Variants in ARHGAP28 observed in about 807,000 individuals in gnomAD.
ARHGAP28 encodes the protein Rho GTPase activating protein 28.
In ARHGAP28, 56 loss-of-function variants were observed where a neutral mutation model predicts 90.7. The ratio of observed to expected loss-of-function variants is 0.62; its 90% CI spans 0.50 to 0.77. The LOEUF (loss-of-function observed/expected upper bound fraction) is 0.77. ARHGAP28 is among the 30% of genes least tolerant of loss of function. The probability of loss-of-function intolerance (pLI) is 0.00; values close to 1 mark genes in which losing one functional copy is unlikely to be tolerated. For synonymous variants in ARHGAP28, 308 were observed against 323.3 expected, an observed-to-expected ratio of 0.95 and a Z score of 0.51; for missense variants, 869 against 900.9, an observed-to-expected ratio of 0.96 and a Z score of 0.45.
intron 1 of ARHGAP28, among the ~76,000 whole-genome samples, chr18:6,808,190 T>G (rs2143668907): frequency 6.6e-6 from 1 of 152,344 alleles, no homozygotes; most frequent in East Asian, 1.9e-4. Flanking sequence ...CTTTTTTCTC[T>G]GTGTGTTTCT....
At chr18:6,825,121 T>C (rs2056653106) in intron 2 of ARHGAP28, among the ~76,000 whole-genome samples, 157 bp downstream of exon 2, 1 of 152,170 alleles carries the variant, frequency 6.6e-6, no homozygotes. Flanking sequence ...TTGATTTATA[T>C]CTACTGTACT....
At chr18:6,860,525 C>T (rs1391164774) in intron 5 of ARHGAP28, among the ~76,000 whole-genome samples, 1 of 152,184 alleles carries the variant, frequency 6.6e-6, no homozygotes, top group Non-Finnish European at 1.5e-5. Context: ...CAGTGAGAGA[C>T]CCCATCAGAT....
chr18:6,902,229 AAT>A (rs1410725678), intron 16 of ARHGAP28, among the ~76,000 whole-genome samples: 1 of 152,218 alleles, frequency 6.6e-6, no homozygotes, highest in Non-Finnish European at 1.5e-5. Context: ...AGATAATCTG[AAT>A]AAAGTATGGA....
At chr18:6,841,126 T>C (rs906177015) in intron 3 of ARHGAP28, among the ~76,000 whole-genome samples, 2 of 143,962 alleles carry the variant, frequency 1.4e-5, no homozygotes, top group Non-Finnish European at 3.1e-5. Context: ...CTCTTCTCTC[T>C]CTCTCTCCTC....
intron 1 of ARHGAP28, among the ~76,000 whole-genome samples, chr18:6,760,792 T>A (rs1206799500): frequency 6.6e-6 from 1 of 152,212 alleles, no homozygotes; most frequent in Admixed American, 6.5e-5. Context: ...AGGGATTTGT[T>A]ACAGTTAGTC....
At chr18:6,817,766 C>A (rs527943947) in intron 1 of ARHGAP28, among the ~76,000 whole-genome samples, 1 of 152,102 alleles carries the variant, frequency 6.6e-6, no homozygotes, top group Non-Finnish European at 1.5e-5. Flanking sequence ...AAAGGGATGG[C>A]ACCTATATCA....
chr18:6,770,263 G>A (rs1330366734), intron 1 of ARHGAP28, among the ~76,000 whole-genome samples: 1 of 152,118 alleles, frequency 6.6e-6, no homozygotes, highest in Non-Finnish European at 1.5e-5. Flanking sequence ...TGATATATGG[G>A]CTCAAATAAG....
At chr18:6,792,505 C>A (rs560817700) in intron 1 of ARHGAP28, among the ~76,000 whole-genome samples, 1 of 152,324 alleles carries the variant, frequency 6.6e-6, no homozygotes, top group East Asian at 1.9e-4. Context: ...ACTGTCCATG[C>A]ATTTTAGGAC....
At chr18:6,872,112 C>G (rs1229877845) in intron 7 of ARHGAP28, among the ~76,000 whole-genome samples, 1 of 152,194 alleles carries the variant, frequency 6.6e-6, no homozygotes, top group Non-Finnish European at 1.5e-5. Context: ...ACTCTGGTTT[C>G]AGGGGGAGCC....
At chr18:6,863,057 A>C (rs2143423827) in intron 5 of ARHGAP28, among the ~76,000 whole-genome samples, 1 of 152,178 alleles carries the variant, frequency 6.6e-6, no homozygotes, top group African/African-American at 2.4e-5. Context: ...GATTTTTCTC[A>C]GAAATCATCT....
At position 6,828,397 on chromosome 18, in the gene ARHGAP28, G is replaced by C. The variant is rs188095778; in HGVS notation, c.325+3433G>C. On this transcript the variant is annotated intron_variant, in intron 2 of 17. Coordinates refer to ENST00000383472, the MANE Select transcript of ARHGAP28 (RefSeq NM_001366230.1). ...GGGAGAGACAGAGGAGGAGAGAGGA[G>C]AGAGGAGAGAGGAGAGAGCTCTTTA... Among the ~76,000 whole-genome samples the C allele has an allele frequency of 5.9e-4, 89 of 149,678 alleles. 1 individual carries two copies. The East Asian group carries it at 0.017, about 28-fold the overall frequency.
At chr18:6,742,177 T>C (rs1263463010) in intron 1 of ARHGAP28, among the ~76,000 whole-genome samples, 6 of 151,542 alleles carry the variant, frequency 4.0e-5, no homozygotes, top group Non-Finnish European at 5.9e-5. Flanking sequence ...TTCTTTTTTT[T>C]TTTTTTGACA....
intron 1 of ARHGAP28, among the ~76,000 whole-genome samples, chr18:6,783,057 C>A (rs2143495788): frequency 6.6e-6 from 1 of 152,250 alleles, no homozygotes; most frequent in Middle Eastern, 3.4e-3. Flanking sequence ...AGTCCTGTTT[C>A]TCCAAGAGAA....
At chr18:6,885,124 C>T (rs2057210013) in intron 11 of ARHGAP28, among the ~76,000 whole-genome samples, 1 of 152,202 alleles carries the variant, frequency 6.6e-6, no homozygotes. Flanking sequence ...TATCTGACTA[C>T]AGCCAGTACA....
chr18:6,733,926 G>T (rs184968866), intron 1 of ARHGAP28, among the ~76,000 whole-genome samples: 10 of 152,264 alleles, frequency 6.6e-5, no homozygotes, highest in Admixed American at 6.5e-5. Context: ...GCACCTTTAT[G>T]TGCTTAACAG....
At chr18:6,782,619 T>TA in intron 1 of ARHGAP28, among the ~76,000 whole-genome samples, 1 of 131,318 alleles carries the variant, frequency 7.6e-6, no homozygotes, top group Non-Finnish European at 1.6e-5. Context: ...TTTTTTTTTT[T>TA]TTTTTTTTTT....
Position 6,876,172 on chromosome 18 carries a change from A to C in ARHGAP28, c.1254A>C (p.Gly418=). Reference sequence around the variant, plus strand: ...AGGAATCAGGTCTGGAATCTGAAGGAATTTTTCGACTTTCAGGATGTACTG... The same window carrying C: ...AGGAATCAGGTCTGGAATCTGAAGGCATTTTTCGACTTTCAGGATGTACTG... ...KVEESGLESE[G]IFRLSGCTAK... is the part of the protein sequence containing the mutation. Residue 418 remains glycine (G), a synonymous_variant, in exon 10 of 18, where the codon GGA becomes GGC. Transcript: ENST00000383472. 6.2e-7 allele frequency: 1 copy of C among 1,614,054 alleles called. No individual in the cohort carries two copies. Among genetic ancestry groups the C allele is most frequent in the Non-Finnish European group, 8.5e-7 (1 of 1,179,968 alleles).
chr18:6,779,996 G>A (rs1045132831), intron 1 of ARHGAP28, among the ~76,000 whole-genome samples: 1 of 152,224 alleles, frequency 6.6e-6, no homozygotes, highest in African/African-American at 2.4e-5. Context: ...GAGGCTTGCA[G>A]CAAGACGTTG....
rs142174575 is a variant in ARHGAP28 at position 6,903,947 on chromosome 18, C to T, written c.2031-5013C>T. 2.0e-5 allele frequency among the ~76,000 whole-genome samples: 3 copies of T among 151,662 alleles called. No individual in the cohort carries two copies. In the East Asian group the frequency reaches 5.8e-4, roughly 29 times the overall value. Reference sequence around the variant, plus strand: ...GCATCTTCTCTGACTATAAAGGTATCAGAAACTAGATATCAGTAACAGAAG... The same window carrying T: ...GCATCTTCTCTGACTATAAAGGTATTAGAAACTAGATATCAGTAACAGAAG... On this transcript the variant is annotated intron_variant, in intron 16 of 17. Transcript: ENST00000383472.
Sources: allele counts gnomAD v4.1 joint callset (sites outside exome capture counted in the v4.1 genomes callset), GRCh38; gene constraint gnomAD v4.1.1; transcripts MANE v1.5; gene names NCBI Gene and HGNC (gene_info 2026-07-23, HGNC 2026-07-21).